The following ADAM17 variants were observed in gnomAD, a reference collection of about 807,000 sequenced individuals.
ADAM17 encodes the protein ADAM metallopeptidase domain 17.
A neutral mutation model predicts 96.7 loss-of-function variants in ADAM17; 39 were observed. That is an observed-to-expected ratio of 0.40 (90% CI 0.31 to 0.53). The LOEUF is 0.53. ADAM17 is among the 20% of genes least tolerant of loss of function. The pLI, the probability that ADAM17 is intolerant of heterozygous loss-of-function variation, is 0.44. For synonymous variants in ADAM17, 344 were observed against 359.2 expected, an observed-to-expected ratio of 0.96 and a Z score of 0.48; for missense variants, 777 against 1,013.2, an observed-to-expected ratio of 0.77 and a Z score of 3.17.
At chr2:9,503,126 C>A (rs1318760957) in intron 12 of ADAM17, among the ~76,000 whole-genome samples, 2 of 128,222 alleles carry the variant, frequency 1.6e-5, no homozygotes, top group Non-Finnish European at 3.1e-5. Flanking sequence ...GTCAACAGGG[C>A]GAGACTCTCT....
chr2:9,499,236 G>A lies in ADAM17; in HGVS notation c.1649-1988C>T, dbSNP rs952728592. 2.6e-5 allele frequency among the ~76,000 whole-genome samples: 4 copies of A among 150,952 alleles called. No homozygotes were observed. In the East Asian group the frequency reaches 7.8e-4, roughly 29 times the overall value. ...TGTATAAAATATCAAGGGAACAAAA[G>A]GCTGTTTGATAAGAACAAACGTTTT... On this transcript the variant is annotated intron_variant, in intron 13 of 18. Coordinates refer to ENST00000310823, the MANE Select transcript of ADAM17 (RefSeq NM_003183.6).
At position 9,494,677 on chromosome 2, in the gene ADAM17, C is replaced by T; in HGVS notation, c.1874G>A (p.Arg625Lys). 1 of 1,614,086 alleles carries T rather than the reference C, an allele frequency of 6.2e-7. No homozygotes were observed. Among genetic ancestry groups the T allele is most frequent in the East Asian group, 2.2e-5 (1 of 44,884 alleles). The change falls in exon 15 of 19, where the codon AGG becomes AAG. Residue 625 changes from arginine to lysine, a missense_variant. Arg to Lys is a conservative substitution (Grantham distance 26). Transcript: ENST00000310823. ...VDAEQKNLFL[R>K]KGKPCTVGFC... ...TCCTACTGTACAGGGCTTTCCTTTCCTCAAAAATAAGTTCTTTTGTTCAGC... is the reference window on the plus strand; with the variant it reads ...TCCTACTGTACAGGGCTTTCCTTTCTTCAAAAATAAGTTCTTTTGTTCAGC...
chr2:9,537,230 C>T (rs530752839), intron 2 of ADAM17, among the ~76,000 whole-genome samples: 15 of 152,276 alleles, frequency 9.9e-5, no homozygotes, highest in African/African-American at 3.6e-4. Flanking sequence ...AGGTACTATG[C>T]ATCTATTATC....
chr2:9,520,964 C>CAAAAAAAAAAAAAAAAAAAA (rs55909096), intron 8 of ADAM17, among the ~76,000 whole-genome samples: 19 of 26,284 alleles, frequency 7.2e-4, no homozygotes, highest in Non-Finnish European at 1.2e-3. Context: ...AACTCTGTCT[C>CAAAAAAAAAAAAAAAAAAAA]AAAAAAAAAA....
intron 2 of ADAM17, among the ~76,000 whole-genome samples, chr2:9,538,936 GTA>G (rs1480438902): frequency 6.6e-6 from 1 of 152,038 alleles, no homozygotes; most frequent in Non-Finnish European, 1.5e-5. Context: ...ATTTAGTCAG[GTA>G]TATCACTTTC....
At chr2:9,544,694 C>T (rs1440028630) in intron 1 of ADAM17, among the ~76,000 whole-genome samples, 2 of 151,866 alleles carry the variant, frequency 1.3e-5, no homozygotes, top group East Asian at 1.9e-4. Context: ...GGCGTGGTGG[C>T]GGGCACCTGT....
intron 1 of ADAM17, among the ~76,000 whole-genome samples, chr2:9,549,231 C>A (rs62119380): frequency 0.14 from 21,685 of 151,878 alleles, 1,642 homozygotes; most frequent in Non-Finnish European, 0.16. Context: ...ATTAGCCAGG[C>A]GCGGTGGCAG....
At chr2:9,518,334 T>C (rs1477162503) in intron 8 of ADAM17, 87 bp from the exon 9 acceptor site, 9 of 1,379,448 alleles carry the variant, frequency 6.5e-6, no homozygotes, top group South Asian at 1.6e-5. Flanking sequence ...CTAAATCAAC[T>C]AAACATTCCA....
At chr2:9,539,006 A>G (rs1317358441) in intron 2 of ADAM17, among the ~76,000 whole-genome samples, 1 of 152,118 alleles carries the variant, frequency 6.6e-6, no homozygotes, top group East Asian at 1.9e-4. Context: ...CTTTTAGGAG[A>G]AACATTTAAC....
At position 9,505,128 on chromosome 2, in the gene ADAM17, T is replaced by C. The variant is rs112220829; in HGVS notation, c.1544+38A>G. 2.9e-3 allele frequency: 4,740 copies of C among 1,608,484 alleles called. 62 individuals are homozygous for C. The African/African-American group carries it at 0.033, about 11-fold the overall frequency. On this transcript the variant is annotated intron_variant, in intron 12 of 18. Coordinates refer to ENST00000310823, the MANE Select transcript of ADAM17 (RefSeq NM_003183.6). ...TTCTCTTATTTTGGACATCTTGTTA[T>C]ACCAACTTCCCAAAATCCCTGTGGA...
intron 4 of ADAM17, among the ~76,000 whole-genome samples, chr2:9,534,554 AAAC>A (rs1485065301): frequency 2.6e-4 from 39 of 152,056 alleles, no homozygotes; most frequent in Admixed American, 1.8e-3. Context: ...ACAAACAAAC[AAAC>A]AAAACCCTAA....
intron 2 of ADAM17, among the ~76,000 whole-genome samples, chr2:9,540,122 T>C (rs1665147934): frequency 6.6e-6 from 1 of 152,224 alleles, no homozygotes; most frequent in South Asian, 2.1e-4. Context: ...TGGAAGTTTT[T>C]GCCTCTAGAA....
At chr2:9,523,616 C>T (rs1037342591) in intron 6 of ADAM17, among the ~76,000 whole-genome samples, 3 of 152,074 alleles carry the variant, frequency 2.0e-5, no homozygotes, top group Non-Finnish European at 2.9e-5. Flanking sequence ...AAGTAACAGG[C>T]TTTTTTAAAA....
intron 8 of ADAM17, among the ~76,000 whole-genome samples, chr2:9,519,962 CCT>C (rs1206660517): frequency 7.2e-5 from 11 of 152,346 alleles, no homozygotes; most frequent in African/African-American, 2.6e-4. Flanking sequence ...TCTCAACCAA[CCT>C]CTCAGGGTGC....
chr2:9,552,082 G>A (rs1000455203), intron 1 of ADAM17, among the ~76,000 whole-genome samples: 3 of 152,132 alleles, frequency 2.0e-5, no homozygotes, highest in Admixed American at 1.3e-4. Flanking sequence ...ACCCATATAT[G>A]AAAAGCCTTT....
chr2:9,539,881 G>C (rs1406770963), intron 2 of ADAM17, among the ~76,000 whole-genome samples: 1 of 152,092 alleles, frequency 6.6e-6, no homozygotes, highest in Non-Finnish European at 1.5e-5. Flanking sequence ...CCTAATAACT[G>C]AACGGTTTTG....
chr2:9,490,378 T>G lies in ADAM17; in HGVS notation c.2274A>C (p.Arg758Ser). 1.2e-6 allele frequency: 2 copies of G among 1,614,154 alleles called. No homozygotes were observed. Among genetic ancestry groups the G allele is most frequent in the Non-Finnish European group, 1.7e-6 (2 of 1,180,034 alleles). ...APAAPKLDHQRMDTIQEDPST... is the reference protein window; with the variant it reads ...APAAPKLDHQSMDTIQEDPST... ...TGGGGTCTTCCTGGATGGTGTCCAT[T>G]CTCTGGTGGTCCAGTTTTGGAGCTG... Residue 758 changes from arginine to serine, a missense_variant, in exon 19 of 19, where the codon AGA (arginine) becomes AGC (serine). Coordinates refer to ENST00000310823, the MANE Select transcript of ADAM17 (RefSeq NM_003183.6).
In ADAM17 at chr2:9,543,296, G is replaced by A. The variant is rs778882057; in HGVS notation, c.98-11C>T. 7.0e-6 allele frequency: 11 copies of A among 1,571,724 alleles called. No individual in the cohort carries two copies. Among genetic ancestry groups the A allele is most frequent in the Admixed American group, 3.9e-5 (2 of 50,968 alleles). ...AAGAATCAAGCTTCTCTGAAATAAA[G>A]GTAAAAAAGGTATTAGCATCTAAAC... On this transcript the variant is annotated splice_polypyrimidine_tract_variant and intron_variant, in intron 1 of 18. Transcript: ENST00000310823.
chr2:9,518,802 T>A (rs1456631356), intron 8 of ADAM17, among the ~76,000 whole-genome samples: 1 of 150,152 alleles, frequency 6.7e-6, no homozygotes, highest in South Asian at 2.1e-4. Flanking sequence ...TTTGAGAGGA[T>A]TTTTTTTTTC....
Sources: allele counts gnomAD v4.1 joint callset (sites outside exome capture counted in the v4.1 genomes callset), GRCh38; gene constraint gnomAD v4.1.1; transcripts MANE v1.5; gene names NCBI Gene and HGNC (gene_info 2026-07-23, HGNC 2026-07-21).